Variants in FSIP1 observed in about 807,000 individuals in gnomAD.
The protein encoded by FSIP1 is fibrous sheath-interacting protein 1.
Under a neutral mutation model 60.9 loss-of-function variants are expected in FSIP1, and 65 were observed. That is an observed-to-expected ratio of 1.07 (90% CI 0.87 to 1.31). The LOEUF (loss-of-function observed/expected upper bound fraction) is 1.31, where lower values mean the gene tolerates loss of function less well. FSIP1 is among the 40% of genes most tolerant of loss of function. The pLI is 0.00. For missense variants in FSIP1, 675 were observed against 665.5 expected, an observed-to-expected ratio of 1.01 and a Z score of -0.16; for synonymous variants, 209 against 221.2, an observed-to-expected ratio of 0.94 and a Z score of 0.49.
intron 10 of FSIP1, among the ~76,000 whole-genome samples, chr15:39,698,753 C>T (rs1255918790): frequency 6.6e-6 from 1 of 152,168 alleles, no homozygotes; most frequent in African/African-American, 2.4e-5. Flanking sequence ...ACTAAAGTGC[C>T]ACCACAATTC....
intron 6 of FSIP1, 112 bp from the exon 7 acceptor site, chr15:39,739,901 C>T (rs1462059382): frequency 1.7e-6 from 1 of 593,528 alleles, no homozygotes; most frequent in African/African-American, 1.9e-5. Flanking sequence ...CACAGAAGAA[C>T]TAACTTCTAC....
At chr15:39,752,590 A>T (rs779086047) in intron 5 of FSIP1, among the ~76,000 whole-genome samples, 1 of 151,864 alleles carries the variant, frequency 6.6e-6, no homozygotes, top group African/African-American at 2.4e-5. Flanking sequence ...ATAAATTCCA[A>T]CTCTTGGACA....
chr15:39,738,240 G>A, intron 7 of FSIP1, 39 bp from the exon 8 acceptor site: 1 of 1,283,452 alleles, frequency 7.8e-7, no homozygotes, highest in Non-Finnish European at 1.1e-6. Context: ...TATACTCAAG[G>A]AAATTCACAG....
intron 10 of FSIP1, among the ~76,000 whole-genome samples, chr15:39,655,378 G>C (rs1304701724): frequency 6.6e-6 from 1 of 152,074 alleles, no homozygotes; most frequent in African/African-American, 2.4e-5. Context: ...TATATCAAAA[G>C]GACATTTTCA....
intron 9 of FSIP1, 127 bp from the exon 10 acceptor site, chr15:39,713,708 AATATGT>A (rs1895622472): frequency 7.3e-6 from 6 of 825,366 alleles, no homozygotes; most frequent in Admixed American, 5.6e-5. Flanking sequence ...CCTTCAAAAC[AATATGT>A]ATAACGCTTT....
At chr15:39,620,996 G>A (rs1891421635) in intron 10 of FSIP1, among the ~76,000 whole-genome samples, 1 of 149,032 alleles carries the variant, frequency 6.7e-6, no homozygotes, top group Non-Finnish European at 1.5e-5. Context: ...ATCAGAAGCT[G>A]ACCCATGTTT....
intron 10 of FSIP1, among the ~76,000 whole-genome samples, chr15:39,681,114 C>T (rs962257339): frequency 6.6e-6 from 1 of 151,874 alleles, no homozygotes; most frequent in African/African-American, 2.4e-5. Context: ...GGCATATCTT[C>T]AGGACTGTGA....
At chr15:39,602,922 T>A (rs967649113) in intron 11 of FSIP1, among the ~76,000 whole-genome samples, 6 of 152,246 alleles carry the variant, frequency 3.9e-5, no homozygotes, top group East Asian at 1.9e-4. Flanking sequence ...TAACAAAAAA[T>A]TTTTCATCAA....
At chr15:39,682,427 A>G (rs1161516472) in intron 10 of FSIP1, among the ~76,000 whole-genome samples, 2 of 152,130 alleles carry the variant, frequency 1.3e-5, no homozygotes, top group African/African-American at 4.8e-5. Context: ...ACTAAAACCT[A>G]TCATGTGCAC....
At chr15:39,613,055 A>G (rs1891092744) in intron 11 of FSIP1, among the ~76,000 whole-genome samples, 1 of 152,104 alleles carries the variant, frequency 6.6e-6, no homozygotes, top group Admixed American at 6.6e-5. Context: ...AATTTAAAAT[A>G]CACAACTAGA....
chr15:39,670,266 C>A (rs1257412295), intron 10 of FSIP1, among the ~76,000 whole-genome samples: 1 of 152,168 alleles, frequency 6.6e-6, no homozygotes, highest in Non-Finnish European at 1.5e-5. Flanking sequence ...TGAGCACCAA[C>A]TATGTGCCAG....
At chr15:39,695,318 GT>G (rs1226002997) in intron 10 of FSIP1, among the ~76,000 whole-genome samples, 1 of 151,460 alleles carries the variant, frequency 6.6e-6, no homozygotes, top group Non-Finnish European at 1.5e-5. Context: ...GTGGCACCCA[GT>G]ACCCAACTGT....
intron 10 of FSIP1, among the ~76,000 whole-genome samples, chr15:39,632,165 C>T (rs1394012565): frequency 6.6e-6 from 1 of 151,938 alleles, no homozygotes; most frequent in Non-Finnish European, 1.5e-5. Context: ...AATTTTTATA[C>T]CTTCTGATTT....
At chr15:39,637,970 CAGTT>C (rs1356813646) in intron 10 of FSIP1, among the ~76,000 whole-genome samples, 1 of 152,090 alleles carries the variant, frequency 6.6e-6, no homozygotes, top group Non-Finnish European at 1.5e-5. Flanking sequence ...GCATCTATGG[CAGTT>C]AGTGATATTT....
At chr15:39,654,765 G>A (rs1310707329) in intron 10 of FSIP1, among the ~76,000 whole-genome samples, 5 of 152,214 alleles carry the variant, frequency 3.3e-5, no homozygotes, top group Non-Finnish European at 4.4e-5. Context: ...TGGCTCTCAT[G>A]TGCTCATGGA....
intron 8 of FSIP1, among the ~76,000 whole-genome samples, chr15:39,728,840 A>G (rs1327220964): frequency 6.6e-6 from 1 of 152,232 alleles, no homozygotes; most frequent in Non-Finnish European, 1.5e-5. Context: ...GGGAGAAAAT[A>G]TTTGTAAACC....
At chr15:39,614,219 A>C (rs938374250) in intron 11 of FSIP1, among the ~76,000 whole-genome samples, 1 of 152,212 alleles carries the variant, frequency 6.6e-6, no homozygotes, top group Non-Finnish European at 1.5e-5. Context: ...GACAAAAAAA[A>C]ATCAGTAAAG....
chr15:39,696,285 T>A (rs934351390), intron 10 of FSIP1, among the ~76,000 whole-genome samples: 2 of 151,656 alleles, frequency 1.3e-5, no homozygotes, highest in Non-Finnish European at 2.9e-5. Flanking sequence ...AGCTTTCCAA[T>A]ACAAAACGAA....
chr15:39,622,741 C>A (rs1430434528), intron 10 of FSIP1, among the ~76,000 whole-genome samples: 2 of 152,186 alleles, frequency 1.3e-5, no homozygotes, highest in Non-Finnish European at 2.9e-5. Flanking sequence ...AAATTTGAAT[C>A]CAGGTAGTCT....
Sources: allele counts gnomAD v4.1 joint callset (sites outside exome capture counted in the v4.1 genomes callset), GRCh38; gene constraint gnomAD v4.1.1; transcripts MANE v1.5; gene names NCBI Gene and HGNC (gene_info 2026-07-23, HGNC 2026-07-21).